SUGCT: variants seen among roughly 807,000 people sequenced by gnomAD.
The protein encoded by SUGCT is succinyl-CoA:glutarate-CoA transferase, also known as succinyl-CoA:glutarate CoA-transferase.
Under a neutral mutation model 55.0 loss-of-function variants are expected in SUGCT, and 41 were observed. That is an observed-to-expected ratio of 0.74 (90% CI 0.58 to 0.97). SUGCT has a LOEUF of 0.97. Ranked by LOEUF, SUGCT falls within the 50% of genes least tolerant of loss-of-function variation. The pLI is 0.00. For synonymous variants in SUGCT, 187 were observed against 200.4 expected (o/e 0.93, Z 0.56); for missense variants, 568 against 547.8 (o/e 1.04, Z -0.37).
chr7:40,271,319 G>A (rs529018522), intron 7 of SUGCT, among the ~76,000 whole-genome samples: 2 of 152,002 alleles, frequency 1.3e-5, no homozygotes, highest in African/African-American at 4.8e-5. Flanking sequence ...ATATATAGGC[G>A]GGGGTCTCAC....
the SUGCT span, among the ~76,000 whole-genome samples, chr7:40,930,852 T>G: frequency 2.6e-5 from 4 of 152,334 alleles, no homozygotes; most frequent in South Asian, 8.3e-4. Flanking sequence ...AAATATACAA[T>G]CATGTCACTT....
chr7:40,805,640 G>A (rs1791052273), intron 13 of SUGCT, among the ~76,000 whole-genome samples: 1 of 152,130 alleles, frequency 6.6e-6, no homozygotes, highest in African/African-American at 2.4e-5. Flanking sequence ...AAATATGTTT[G>A]GGGCTCTCCA....
intron 12 of SUGCT, among the ~76,000 whole-genome samples, chr7:40,667,348 C>T (rs1309610499): frequency 1.3e-5 from 2 of 151,966 alleles, no homozygotes; most frequent in Admixed American, 1.3e-4. Flanking sequence ...GTTGGTTTGC[C>T]AATATTTTGC....
At chr7:40,867,074 A>G in the SUGCT span, among the ~76,000 whole-genome samples, 1 of 151,428 alleles carries the variant, frequency 6.6e-6, no homozygotes, top group Non-Finnish European at 1.5e-5. Flanking sequence ...TTTCCTGAAC[A>G]AAGTGGAAGT....
chr7:40,665,807 A>C (rs1462586685), intron 12 of SUGCT, among the ~76,000 whole-genome samples: 2 of 152,156 alleles, frequency 1.3e-5, no homozygotes, highest in African/African-American at 4.8e-5. Context: ...AGGATGTGAC[A>C]GCAAGGTTCT....
intron 12 of SUGCT, among the ~76,000 whole-genome samples, chr7:40,647,592 T>A (rs1314636766): frequency 1.3e-5 from 2 of 152,172 alleles, no homozygotes; most frequent in African/African-American, 4.8e-5. Context: ...GGCTCACGCA[T>A]GTACTCCCAG....
intron 9 of SUGCT, among the ~76,000 whole-genome samples, chr7:40,437,358 C>T (rs1788234520): frequency 6.6e-6 from 1 of 152,118 alleles, no homozygotes; most frequent in African/African-American, 2.4e-5. Flanking sequence ...ATTAGCAAAA[C>T]CTAGCCTGGA....
chr7:40,281,519 C>A (rs1792949876), intron 8 of SUGCT, among the ~76,000 whole-genome samples: 1 of 152,112 alleles, frequency 6.6e-6, no homozygotes, highest in African/African-American at 2.4e-5. Context: ...CCTTCTATAC[C>A]TAATTTATTG....
At chr7:40,862,260 A>G (rs1794502318), downstream of SUGCT, among the ~76,000 whole-genome samples, 1 of 144,012 alleles carries the variant, frequency 6.9e-6, no homozygotes, top group South Asian at 2.3e-4. Flanking sequence ...GACACAGTCA[A>G]TATTAAAACA....
intron 12 of SUGCT, among the ~76,000 whole-genome samples, chr7:40,543,129 C>T (rs1306889558): frequency 6.6e-6 from 1 of 152,158 alleles, no homozygotes; most frequent in Non-Finnish European, 1.5e-5. Flanking sequence ...TTTATGCCTT[C>T]CTTTTTCTGG....
At chr7:41,008,656 C>T in the SUGCT span, among the ~76,000 whole-genome samples, 1 of 151,874 alleles carries the variant, frequency 6.6e-6, no homozygotes, top group African/African-American at 2.4e-5. Context: ...GCTCTGGAAG[C>T]TTGGGAGGCC....
In SUGCT at chr7:40,851,714, T is replaced by C. The variant is rs954913654; in HGVS notation, c.1154-8602T>C. Among the ~76,000 whole-genome samples, 6 of 152,218 alleles carry C rather than the reference T, an allele frequency of 3.9e-5. No homozygotes were observed. In the South Asian group the frequency reaches 1.0e-3, roughly 26 times the overall value. ...GTAAAAGTAAAAGTACCTTAATTTA[T>C]ACCCATGAAGTCCATAGATATTTGT... On this transcript the variant is annotated intron_variant, in intron 13 of 13. Coordinates refer to ENST00000335693, the MANE Select transcript of SUGCT (RefSeq NM_001193313.2).
chr7:40,504,171 T>C (rs1792457520), intron 12 of SUGCT, among the ~76,000 whole-genome samples: 1 of 152,228 alleles, frequency 6.6e-6, no homozygotes, highest in South Asian at 2.1e-4. Flanking sequence ...TAAAGTACAG[T>C]ATAGTGACTA....
At chr7:40,509,610 T>G (rs1792812065) in intron 12 of SUGCT, among the ~76,000 whole-genome samples, 1 of 152,110 alleles carries the variant, frequency 6.6e-6, no homozygotes, top group African/African-American at 2.4e-5. Context: ...CTCTGAGTGT[T>G]TTGCATTCCC....
chr7:40,497,289 G>A (rs1026924775), intron 12 of SUGCT, among the ~76,000 whole-genome samples: 2 of 152,152 alleles, frequency 1.3e-5, no homozygotes, highest in Admixed American at 6.5e-5. Context: ...TTTGAGGGAG[G>A]AGACCTTTGT....
chr7:40,989,019 A>G, the SUGCT span, among the ~76,000 whole-genome samples: 2 of 152,234 alleles, frequency 1.3e-5, no homozygotes, highest in East Asian at 1.9e-4. Context: ...AATAAAAATG[A>G]TATTTACACT....
At chr7:40,684,190 C>A in intron 12 of SUGCT, 2 of 1,520,186 alleles carry the variant, frequency 1.3e-6, no homozygotes, top group Middle Eastern at 1.8e-4. Context: ...AAAGGATAAT[C>A]CAGGATAATT....
chr7:40,176,506 G>C (rs572180800), intron 1 of SUGCT, among the ~76,000 whole-genome samples: 2 of 152,126 alleles, frequency 1.3e-5, no homozygotes, highest in Non-Finnish European at 2.9e-5. Flanking sequence ...AAGTTCTGCA[G>C]TGTTAATTAT....
At chr7:40,911,302 G>A in the SUGCT span, among the ~76,000 whole-genome samples, 1 of 152,082 alleles carries the variant, frequency 6.6e-6, no homozygotes, top group East Asian at 1.9e-4. Flanking sequence ...TTGCTGTTTT[G>A]GAAATACTCT....
Sources: gnomAD v4.1 joint callset for allele counts (sites outside exome capture counted in the v4.1 genomes callset) on GRCh38, gnomAD v4.1.1 for gene constraint, MANE v1.5 for transcripts, NCBI Gene and HGNC (gene_info 2026-07-23, HGNC 2026-07-21) for gene names.